FAM117B: variants seen among roughly 807,000 people sequenced by gnomAD.
FAM117B encodes family with sequence similarity 117 member B.
FAM117B carries 22 observed loss-of-function variants against 52.8 expected under a neutral mutation model. The ratio of observed to expected loss-of-function variants is 0.42; its 90% confidence interval spans 0.30 to 0.59. The LOEUF (loss-of-function observed/expected upper bound fraction) is 0.59, where lower values mean the gene tolerates loss of function less well. FAM117B is among the 20% of genes least tolerant of loss of function. FAM117B has a pLI of 0.22. For synonymous variants in FAM117B, 309 were observed against 324.1 expected, an observed-to-expected ratio of 0.95 and a Z score of 0.50; for missense variants, 678 against 802.6, an observed-to-expected ratio of 0.84 and a Z score of 1.88.
Position 202,768,533 on chromosome 2 carries a change from T to C in FAM117B, c.*2769T>C, listed in dbSNP as rs1329019972. On this transcript the variant is annotated 3_prime_UTR_variant, in exon 8 of 8. Transcript: ENST00000392238. ...GTGCCAAAGGGCTAATTTTTAAGCA[T>C]GTAAGCTTTACCACAGTCTTGAAAA... 6.6e-6 allele frequency: 1 copy of C among 152,648 alleles called. No homozygotes were observed. Among genetic ancestry groups the C allele is most frequent in the African/African-American group, 2.4e-5 (1 of 41,462 alleles). 9.5% of individuals were successfully genotyped at this position (152,648 alleles called of 1,614,324 possible). A position where few individuals can be genotyped will look rare whatever the true frequency, so the allele number is the denominator to read the frequency against.
intron 1 of FAM117B, among the ~76,000 whole-genome samples, chr2:202,641,741 C>T (rs1157920264): frequency 6.6e-6 from 1 of 150,888 alleles, no homozygotes; most frequent in African/African-American, 2.4e-5. Flanking sequence ...TGGGTTCAAG[C>T]GATTCTCCTG....
chr2:202,746,118 A>G (rs956459749), intron 4 of FAM117B, among the ~76,000 whole-genome samples: 4 of 152,188 alleles, frequency 2.6e-5, no homozygotes, highest in African/African-American at 4.8e-5. Context: ...CATTTACAGA[A>G]TTTTTCATCC....
intron 4 of FAM117B, among the ~76,000 whole-genome samples, chr2:202,738,323 G>T (rs1157887054): frequency 2.0e-5 from 3 of 152,078 alleles, no homozygotes; most frequent in Non-Finnish European, 4.4e-5. Flanking sequence ...AGTCTTTAAA[G>T]AAACAACTTT....
At chr2:202,714,466 C>T (rs543497291) in intron 2 of FAM117B, among the ~76,000 whole-genome samples, 1 of 146,514 alleles carries the variant, frequency 6.8e-6, no homozygotes, top group Admixed American at 6.8e-5. Flanking sequence ...ATAATATTTG[C>T]TTTATATATT....
chr2:202,764,968 A>T (rs912644687), intron 7 of FAM117B, among the ~76,000 whole-genome samples: 5 of 152,244 alleles, frequency 3.3e-5, no homozygotes, highest in African/African-American at 9.6e-5. Context: ...ACTTAGCAAA[A>T]GACGGACATT....
chr2:202,739,645 C>T (rs13409559), intron 4 of FAM117B, among the ~76,000 whole-genome samples: 12,088 of 151,976 alleles, frequency 0.08, 1,605 homozygotes, highest in African/African-American at 0.27. Context: ...TTTATAGAGA[C>T]TGGGTCTCCC....
intron 4 of FAM117B, among the ~76,000 whole-genome samples, chr2:202,726,875 G>A (rs959079434): frequency 6.6e-6 from 1 of 151,900 alleles, no homozygotes; most frequent in African/African-American, 2.4e-5. Context: ...AACGGCACAT[G>A]GGTATGTATG....
In FAM117B at chr2:202,635,124, C is replaced by T. The variant is rs994574323; in HGVS notation, c.-64C>T. On this transcript the variant is annotated 5_prime_UTR_variant, in exon 1 of 8. Transcript: ENST00000392238. ...CCTGCCCTCCGGCCTCGAGAATCCT[C>T]CCCCTGCAGCCCAACAACAACAAAA... 4 of 1,245,978 alleles carry T rather than the reference C, an allele frequency of 3.2e-6. No homozygotes were observed. Among genetic ancestry groups the T allele is most frequent in the Admixed American group, 4.2e-5 (1 of 23,752 alleles). The allele number at this position is 1,245,978 out of a possible 1,614,324, so 77.2% of individuals were successfully genotyped here.
chr2:202,747,916 G>T (rs73054758), intron 4 of FAM117B, among the ~76,000 whole-genome samples: 1 of 152,010 alleles, frequency 6.6e-6, no homozygotes, highest in South Asian at 2.1e-4. Flanking sequence ...AATATTAATT[G>T]TTTATGTTAA....
In FAM117B at chr2:202,769,122, A is replaced by C. The variant is rs553201258; in HGVS notation, c.*3358A>C. 6 of 152,320 alleles carry C rather than the reference A, an allele frequency of 3.9e-5. No individual in the cohort carries two copies. Among genetic ancestry groups the C allele is most frequent in the African/African-American group, 1.4e-4 (6 of 41,586 alleles). 9.4% of individuals were successfully genotyped at this position (152,320 alleles called of 1,614,324 possible). On this transcript the variant is annotated 3_prime_UTR_variant, in exon 8 of 8. Transcript: ENST00000392238. ...ACTTAATACTTATGACTACAGTCCA[A>C]ATCAGTCTTTTAGAAGGTGCTCTTG...
intron 4 of FAM117B, among the ~76,000 whole-genome samples, chr2:202,731,184 C>A (rs950722360): frequency 1.8e-4 from 27 of 151,336 alleles, no homozygotes; most frequent in African/African-American, 6.3e-4. Flanking sequence ...TACAAATAGC[C>A]AATAAGCACA....
At position 202,739,724 on chromosome 2, in the gene FAM117B, T is replaced by A. The variant is rs139382166; in HGVS notation, c.960+13361T>A. 5.8e-3 allele frequency among the ~76,000 whole-genome samples: 888 copies of A among 152,214 alleles called. 5 individuals carry two copies. Among genetic ancestry groups the A allele is most frequent in the Middle Eastern group, 6.8e-3 (2 of 294 alleles). On this transcript the variant is annotated intron_variant, in intron 4 of 7. Transcript: ENST00000392238. ...CTCCCTCGGACTCAGCCTCCCAAAG[T>A]CCTGGAATTACAGGTGTGAACCACT...
chr2:202,641,053 G>A (rs1043978273), intron 1 of FAM117B, among the ~76,000 whole-genome samples: 2 of 152,204 alleles, frequency 1.3e-5, no homozygotes, highest in African/African-American at 2.4e-5. Flanking sequence ...ACTACTCTGT[G>A]TTATTAACAG....
chr2:202,711,338 T>C (rs1690954049), intron 2 of FAM117B, among the ~76,000 whole-genome samples: 1 of 152,338 alleles, frequency 6.6e-6, no homozygotes, highest in Admixed American at 6.5e-5. Context: ...ATATACCTGT[T>C]TGTCATTTGT....
At chr2:202,679,083 C>T (rs78858829) in intron 1 of FAM117B, among the ~76,000 whole-genome samples, 1 of 152,180 alleles carries the variant, frequency 6.6e-6, no homozygotes, top group Non-Finnish European at 1.5e-5. Context: ...CATGAAGAGA[C>T]TTCTATTTCT....
chr2:202,654,109 G>A (rs1169892311), intron 1 of FAM117B, among the ~76,000 whole-genome samples: 3 of 151,742 alleles, frequency 2.0e-5, no homozygotes, highest in Non-Finnish European at 2.9e-5. Context: ...GAGAGTGTGT[G>A]TGTGTGTTTG....
rs533143992 is a variant in FAM117B, at chr2:202,691,389, A to T, written c.602-4492A>T. 5.9e-5 allele frequency among the ~76,000 whole-genome samples: 9 copies of T among 152,300 alleles called. No individual in the cohort carries two copies. In the East Asian group the frequency reaches 1.2e-3, roughly 20 times the overall value. On this transcript the variant is annotated intron_variant, in intron 1 of 7. Transcript: ENST00000392238. The stretch of plus-strand genomic sequence containing the variant: ...AGCTGAGATCATGCCTCTGCACTCC[A>T]GCCTGGGTGATGGAGCGAGATTCTT...
At chr2:202,688,245 T>A (rs187281970) in intron 1 of FAM117B, among the ~76,000 whole-genome samples, 2 of 152,172 alleles carry the variant, frequency 1.3e-5, no homozygotes, top group African/African-American at 2.4e-5. Context: ...CAAAAAAATA[T>A]AGATAATAAA....
At position 202,654,062 on chromosome 2, in the gene FAM117B, T is replaced by TGAGTGAGA. The variant is rs780028124; in HGVS notation, c.601+18277_601+18278insTGAGAGAG. On this transcript the variant is annotated intron_variant, in intron 1 of 7. Coordinates refer to ENST00000392238, the MANE Select transcript of FAM117B (RefSeq NM_173511.4). ...GGAGGGGGTGCGGGAAGAGAGTGAGTGAGAGAGAGAGAGAGAGAGAGAGAG... is the reference window on the plus strand; with the variant it reads ...GGAGGGGGTGCGGGAAGAGAGTGAGTGAGTGAGAGAGAGAGAGAGAGAGAGAGAGAGAG... Among the ~76,000 whole-genome samples, 1,265 of 134,794 alleles carry TGAGTGAGA rather than the reference T, an allele frequency of 9.4e-3. 15 individuals are homozygous for TGAGTGAGA. Among genetic ancestry groups the TGAGTGAGA allele is most frequent in the African/African-American group, 0.032 (1,178 of 36,838 alleles). The allele number at this position is 134,794 out of a possible 152,430, so 88.4% of individuals were successfully genotyped here. A position where few individuals can be genotyped will look rare whatever the true frequency, so the allele number is the denominator to read the frequency against.
Sources: allele counts gnomAD v4.1 joint callset (sites outside exome capture counted in the v4.1 genomes callset), GRCh38; gene constraint gnomAD v4.1.1; transcripts MANE v1.5; gene names NCBI Gene and HGNC (gene_info 2026-07-23, HGNC 2026-07-21).